MEF2C: variants seen among roughly 807,000 people sequenced by gnomAD.
MEF2C encodes myocyte enhancer factor 2C, also known as myocyte-specific enhancer factor 2C.
Under a neutral mutation model 50.5 loss-of-function variants are expected in MEF2C, and 6 were observed. The observed-to-expected ratio is 0.12, with a 90% confidence interval of 0.07 to 0.23. The LOEUF is 0.23. MEF2C is among the 10% of genes least tolerant of loss of function. The probability of loss-of-function intolerance (pLI) is 1.00; values close to 1 mark genes in which losing one functional copy is unlikely to be tolerated. For synonymous variants in MEF2C, 183 were observed against 228.0 expected, an observed-to-expected ratio of 0.80 and a Z score of 1.78; for missense variants, 276 against 605.0, an observed-to-expected ratio of 0.46 and a Z score of 5.70.
rs1442085481 is a variant in MEF2C, at chr5:88,721,388, T to C, written c.*1216A>G. ...CAGTTGACCCAATAGATTGCTAATG[T>C]ATTAAAAACAATTTAGGGTGTTGCA... On this transcript the variant is annotated 3_prime_UTR_variant, in exon 11 of 11. Coordinates refer to ENST00000504921, the MANE Select transcript of MEF2C (RefSeq NM_002397.5). 6.6e-6 allele frequency: 1 copy of C among 152,620 alleles called. No homozygotes were observed. The highest frequency in any genetic ancestry group is 2.4e-5 in the African/African-American group (1 of 41,456). 9.5% of individuals were successfully genotyped at this position (152,620 alleles called of 1,614,324 possible). A position where few individuals can be genotyped will look rare whatever the true frequency, so the allele number is the denominator to read the frequency against.
At chr5:88,735,738 AT>A (rs1209583031) in intron 6 of MEF2C, 3 of 984,476 alleles carry the variant, frequency 3.0e-6, no homozygotes, top group Non-Finnish European at 2.4e-6. Context: ...CACTTGCTGC[AT>A]TTTTTTTATT....
chr5:88,804,892 A>G (rs748052532), intron 2 of MEF2C, 91 bp from the exon 3 acceptor site: 39 of 1,047,646 alleles, frequency 3.7e-5, no homozygotes, highest in Non-Finnish European at 5.5e-5. Flanking sequence ...TCACAAAACA[A>G]TGGTGTGTAG....
chr5:88,811,701 C>T (rs1285755437), intron 2 of MEF2C, among the ~76,000 whole-genome samples: 1 of 152,014 alleles, frequency 6.6e-6, no homozygotes, highest in Non-Finnish European at 1.5e-5. Context: ...ACACAAAAGA[C>T]TGTAAAGAAT....
intron 1 of MEF2C, among the ~76,000 whole-genome samples, chr5:88,856,300 C>T (rs700585): frequency 0.82 from 125,173 of 152,198 alleles, 51,783 homozygotes; most frequent in African/African-American, 0.92. Context: ...AATCATTGAG[C>T]TTTATGCATT....
At chr5:88,855,726 G>C (rs958063875) in intron 1 of MEF2C, among the ~76,000 whole-genome samples, 8 of 152,186 alleles carry the variant, frequency 5.3e-5, no homozygotes, top group Admixed American at 6.5e-5. Flanking sequence ...TCTCTTTCCT[G>C]CTGCCCTGTG....
intron 1 of MEF2C, among the ~76,000 whole-genome samples, chr5:88,872,745 C>T (rs1170752863): frequency 6.6e-6 from 1 of 151,964 alleles, no homozygotes; most frequent in African/African-American, 2.4e-5. Flanking sequence ...TCCCATTTTA[C>T]AGATCCTGGT....
At chr5:88,797,981 C>T (rs1026876203) in intron 3 of MEF2C, among the ~76,000 whole-genome samples, 1 of 152,210 alleles carries the variant, frequency 6.6e-6, no homozygotes, top group Non-Finnish European at 1.5e-5. Context: ...CCCCCATTCT[C>T]TTCTGGCTTG....
intron 3 of MEF2C, among the ~76,000 whole-genome samples, chr5:88,786,464 A>G (rs536856858): frequency 3.8e-5 from 5 of 131,996 alleles, no homozygotes; most frequent in African/African-American, 7.8e-5. Context: ...TAGAGAGGGG[A>G]AAAAAAAATC....
At chr5:88,827,098 A>G (rs1811214956) in intron 1 of MEF2C, 1 of 151,934 alleles carries the variant, frequency 6.6e-6, no homozygotes, top group African/African-American at 2.4e-5. Flanking sequence ...AAGCAGGCAG[A>G]TGAAGGCAAA....
At chr5:88,792,633 CT>C (rs1303261748) in intron 3 of MEF2C, among the ~76,000 whole-genome samples, 1 of 152,172 alleles carries the variant, frequency 6.6e-6, no homozygotes, top group Non-Finnish European at 1.5e-5. Flanking sequence ...TATATCTTCC[CT>C]GTTTAATTCA....
chr5:88,732,029 C>T (rs1183591477), intron 6 of MEF2C, 128 bp from the exon 7 acceptor site: 5 of 804,938 alleles, frequency 6.2e-6, no homozygotes, highest in Non-Finnish European at 7.6e-6. Context: ...CATAGGATGA[C>T]TGATTTGACC....
At chr5:88,770,052 T>C in intron 3 of MEF2C, 1 of 958,798 alleles carries the variant, frequency 1.0e-6, no homozygotes, top group Non-Finnish European at 1.2e-6. Flanking sequence ...ATTTCTTAAA[T>C]GAGGAAGGAA....
At chr5:88,805,397 C>A (rs1384261106) in intron 2 of MEF2C, among the ~76,000 whole-genome samples, 3 of 152,132 alleles carry the variant, frequency 2.0e-5, no homozygotes, top group Non-Finnish European at 4.4e-5. Context: ...TATCTTTCTT[C>A]TTCTCTCAGG....
chr5:88,842,945 G>A (rs1817912594), intron 1 of MEF2C, among the ~76,000 whole-genome samples: 1 of 152,078 alleles, frequency 6.6e-6, no homozygotes, highest in African/African-American at 2.4e-5. Context: ...ACTGGAGAGG[G>A]CACGTGATGA....
intron 3 of MEF2C, among the ~76,000 whole-genome samples, chr5:88,803,049 A>G (rs1798995489): frequency 6.6e-6 from 1 of 152,190 alleles, no homozygotes; most frequent in African/African-American, 2.4e-5. Flanking sequence ...TTTATTTTAC[A>G]TAAGTATTAG....
chr5:88,757,253 TA>T (rs905397421), intron 4 of MEF2C, among the ~76,000 whole-genome samples: 1 of 152,138 alleles, frequency 6.6e-6, no homozygotes. Context: ...AAAAGTCCAA[TA>T]AAAAAATCAA....
chr5:88,897,910 A>C (rs1835277852), intron 1 of MEF2C, among the ~76,000 whole-genome samples: 1 of 152,154 alleles, frequency 6.6e-6, no homozygotes. Flanking sequence ...AGAATCACCC[A>C]GGTGCATGTT....
chr5:88,895,600 A>G (rs1835037901), intron 1 of MEF2C, among the ~76,000 whole-genome samples: 1 of 152,190 alleles, frequency 6.6e-6, no homozygotes, highest in Admixed American at 6.5e-5. Flanking sequence ...TGTGTAGCAT[A>G]TGCGCAGTTG....
At chr5:88,876,025 T>C (rs966407671) in intron 1 of MEF2C, among the ~76,000 whole-genome samples, 2 of 151,794 alleles carry the variant, frequency 1.3e-5, no homozygotes, top group Admixed American at 1.3e-4. Context: ...GTAATTACTG[T>C]TTTTTAAAAA....
Sources: gnomAD v4.1 joint callset for allele counts (sites outside exome capture counted in the v4.1 genomes callset) on GRCh38, gnomAD v4.1.1 for gene constraint, MANE v1.5 for transcripts, NCBI Gene and HGNC (gene_info 2026-07-23, HGNC 2026-07-21) for gene names.